Variants in ANO7 observed in about 807,000 individuals in gnomAD.
ANO7 encodes anoctamin 7.
Under a neutral mutation model 115.8 loss-of-function variants are expected in ANO7, and 114 were observed. The ratio of observed to expected loss-of-function variants is 0.98; its 90% CI spans 0.85 to 1.15. The LOEUF is 1.15. Ranked by LOEUF, ANO7 falls within the 50% of genes most tolerant of loss-of-function variation. The pLI is 0.00. For synonymous variants in ANO7, 550 were observed against 498.2 expected, an observed-to-expected ratio of 1.10 and a Z score of -1.38; for missense variants, 1,302 against 1,201.2, an observed-to-expected ratio of 1.08 and a Z score of -1.24.
At chr2:241,239,118 A>G in the ANO7 span, among the ~76,000 whole-genome samples, 12 of 152,286 alleles carry the variant, frequency 7.9e-5, no homozygotes, top group African/African-American at 2.9e-4. The surrounding 1 kb of genome is among the most constrained non-coding windows in gnomAD (Gnocchi z 4.6). Context: ...AAGGGAATCC[A>G]AGGCCCTGGC....
intron 4 of ANO7, among the ~76,000 whole-genome samples, chr2:241,197,942 C>G (rs934268957): frequency 6.6e-6 from 1 of 152,100 alleles, no homozygotes; most frequent in Non-Finnish European, 1.5e-5. Flanking sequence ...TGAGCCACCA[C>G]GCCCGGCCTC....
chr2:241,205,465 TAA>T lies in ANO7; in HGVS notation c.980+511_980+512del, dbSNP rs2068570360. On this transcript the variant is annotated intron_variant, in intron 10 of 24. Transcript: ENST00000674324. ...GTGCTCTCAGGCTGACACAGGTGGA[TAA>T]GAGTGCTCCAAGGCTGACACAGGTG... 2.3e-5 allele frequency among the ~76,000 whole-genome samples: 3 copies of T among 129,514 alleles called. No homozygotes were observed. In the South Asian group the frequency reaches 8.1e-4, roughly 35 times the overall value. 85.0% of individuals were successfully genotyped at this position (129,514 alleles called of 152,430 possible).
chr2:241,217,161 T>C (rs1198344734), intron 19 of ANO7, among the ~76,000 whole-genome samples: 2 of 152,146 alleles, frequency 1.3e-5, no homozygotes, highest in Admixed American at 6.5e-5. Context: ...CAAGCGGGCA[T>C]GTGAGCCGGC....
the ANO7 span, chr2:241,235,752 A>C: frequency 1.7e-6 from 1 of 584,326 alleles, no homozygotes. Context: ...ACTCAATAGA[A>C]AAGAATAGGA....
intron 4 of ANO7, chr2:241,199,005 T>G: frequency 2.6e-6 from 1 of 381,218 alleles, no homozygotes; most frequent in Non-Finnish European, 5.0e-6. Context: ...TGTGTCAGCA[T>G]AGTCTGGCCA....
chr2:241,230,941 G>C, downstream of ANO7: 2 of 1,611,978 alleles, frequency 1.2e-6, no homozygotes, highest in Non-Finnish European at 1.7e-6. The surrounding 1 kb of genome is among the most constrained non-coding windows in gnomAD (Gnocchi z 5.0). Flanking sequence ...ATTTGGTCCT[G>C]GGGCTAAAAA....
chr2:241,217,551 C>A, intron 19 of ANO7, 135 bp from the exon 20 acceptor site: 1 of 1,028,544 alleles, frequency 9.7e-7, no homozygotes, highest in Non-Finnish European at 1.4e-6. Context: ...ACGAGGGAGA[C>A]CAGGAGGTGG....
chr2:241,240,071 A>T, the ANO7 span: 2 of 1,614,180 alleles, frequency 1.2e-6, no homozygotes, highest in Non-Finnish European at 8.5e-7. The surrounding 1 kb of genome is among the most constrained non-coding windows in gnomAD (Gnocchi z 5.5). Flanking sequence ...CCGATGAGGA[A>T]TTTGTGGTAT....
In ANO7 at chr2:241,218,292, G is replaced by T; in HGVS notation, c.2232G>T (p.Trp744Cys). The change falls in exon 21 of 25, where the codon TGG (tryptophan) becomes TGT (cysteine). Residue 744 changes from tryptophan (W) to cysteine (C), a missense_variant. Transcript: ENST00000674324. Reference protein sequence around the residue: ...SDFLPRAYYRWTRAHDLRGFL... With the variant: ...SDFLPRAYYRCTRAHDLRGFL... The stretch of plus-strand genomic sequence containing the variant: ...TCCTGCCGCGCGCCTACTACCGGTG[G>T]ACCCGCGCCCACGACCTGCGCGGCT... 6.5e-7 allele frequency: 1 copy of T among 1,536,056 alleles called. No homozygotes were observed. The highest frequency in any genetic ancestry group is 8.7e-7 in the Non-Finnish European group (1 of 1,149,072).
In ANO7 at chr2:241,209,644, T is replaced by TCC; in HGVS notation, c.1359+13_1359+14dup. On this transcript the variant is annotated intron_variant, in intron 13 of 24. Transcript: ENST00000674324. ...TGGTGATCGTGGTGATGGTATGCGG[T>TCC]CCCCCTGCCCTCCGCTCACGCCTCC... is the stretch of plus-strand genomic sequence containing the variant. 1 of 1,536,008 alleles carries TCC rather than the reference T, an allele frequency of 6.5e-7. No individual in the cohort carries two copies.
chr2:241,194,095 G>A (rs1033711109), intron 3 of ANO7, among the ~76,000 whole-genome samples: 6 of 151,334 alleles, frequency 4.0e-5, no homozygotes, highest in Non-Finnish European at 7.4e-5. Flanking sequence ...GGCTGGTCTC[G>A]AACTCCTGAC....
chr2:241,204,680 A>T (rs115587156), intron 9 of ANO7, among the ~76,000 whole-genome samples, 185 bp from the exon 10 acceptor site: 2,207 of 152,214 alleles, frequency 0.014, 85 homozygotes, highest in East Asian at 0.12. Flanking sequence ...GCAGAGGCCC[A>T]GGAGGGTGGG....
chr2:241,195,035 G>T (rs1292767741), intron 3 of ANO7, among the ~76,000 whole-genome samples: 1 of 152,202 alleles, frequency 6.6e-6, no homozygotes, highest in Admixed American at 6.5e-5. Flanking sequence ...CTCTGTGTAT[G>T]AATAGCTTGG....
rs761832893 is a variant in ANO7, at chr2:241,203,489, G to A, written c.880G>A (p.Ala294Thr). ...CGGGGAGAAGGTGGCCCTCTACTTC[G>A]CCTGGCTCGGTGAGTCCCCCCCGCT... ...YFGEKVALYFAWLGFYTGWLL... is the reference protein window; with the variant it reads ...YFGEKVALYFTWLGFYTGWLL... The change falls in exon 9 of 25, where the codon GCC becomes ACC. Residue 294 changes from alanine to threonine, a missense_variant. By Grantham distance (58) the Ala-to-Thr change is moderately conservative. Coordinates refer to ENST00000674324, the MANE Select transcript of ANO7 (RefSeq NM_001370694.2). This position sits in a 1 kb window ranked among gnomAD's most constrained non-coding sequence, Gnocchi z 4.8. The A allele has an allele frequency of 1.4e-5, 22 of 1,517,982 alleles. No individual in the cohort carries two copies. The highest frequency in any genetic ancestry group is 2.8e-5 in the African/African-American group (2 of 70,866). The allele number at this position is 1,517,982 out of a possible 1,614,324, so 94.0% of individuals were successfully genotyped here.
intron 3 of ANO7, among the ~76,000 whole-genome samples, chr2:241,194,803 A>G (rs2068285090): frequency 6.6e-6 from 1 of 152,254 alleles, no homozygotes; most frequent in African/African-American, 2.4e-5. Flanking sequence ...AGGTATGTAT[A>G]GGGAAAGACA....
chr2:241,236,685 G>A, the ANO7 span: 1 of 1,614,152 alleles, frequency 6.2e-7, no homozygotes, highest in East Asian at 2.2e-5. Flanking sequence ...ACACCTCCTT[G>A]GAGAGCCGGG....
Position 241,209,090 on chromosome 2 carries a change from A to G in ANO7, c.1078-195A>G, listed in dbSNP as rs190867575. Among the ~76,000 whole-genome samples the G allele has an allele frequency of 1.8e-3, 274 of 152,358 alleles. 1 individual carries two copies. Among genetic ancestry groups the G allele is most frequent in the South Asian group, 0.016 (77 of 4,832 alleles). On this transcript the variant is annotated intron_variant, in intron 11 of 24. Transcript: ENST00000674324. ...CGTGAACCCGGGAGGCGAAGCGTGC[A>G]GTGAGCCGAGATCGCGCCACTGCAC...
intron 2 of ANO7, among the ~76,000 whole-genome samples, chr2:241,190,969 C>A (rs1427002921): frequency 1.3e-5 from 2 of 152,230 alleles, no homozygotes; most frequent in Non-Finnish European, 2.9e-5. Flanking sequence ...TCTGGCCCTG[C>A]CTGCCGCTCC....
At position 241,188,720 on chromosome 2, in the gene ANO7, A is replaced by T. The variant is rs749652386; in HGVS notation, c.-54A>T. On this transcript the variant is annotated 5_prime_UTR_variant, in exon 1 of 25. Coordinates refer to ENST00000674324, the MANE Select transcript of ANO7 (RefSeq NM_001370694.2). The surrounding 1 kb of genome is among the most constrained non-coding windows in gnomAD (Gnocchi z 4.3). ...CTGCCGAGACCAGGCTCACGCTGAG[A>T]GGTGGGCCATGACCTCCGAGACCTC... is the stretch of plus-strand genomic sequence containing the variant. 35 of 1,613,136 alleles carry T rather than the reference A, an allele frequency of 2.2e-5. No individual in the cohort carries two copies. In the Admixed American group the frequency reaches 2.3e-4, roughly 11 times the overall value.
Sources: allele counts gnomAD v4.1 joint callset (sites outside exome capture counted in the v4.1 genomes callset), GRCh38; gene constraint gnomAD v4.1.1; non-coding constraint Gnocchi (gnomAD v3.1); transcripts MANE v1.5; gene names NCBI Gene and HGNC (gene_info 2026-07-23, HGNC 2026-07-21).